The following TMEM117 variants were observed in gnomAD, a reference collection of about 807,000 sequenced individuals.
TMEM117 encodes transmembrane protein 117.
TMEM117 carries 27 observed loss-of-function variants against 52.4 expected under a neutral mutation model. The observed-to-expected ratio is 0.51, with a 90% CI of 0.38 to 0.71. The LOEUF (loss-of-function observed/expected upper bound fraction) is 0.71. TMEM117 is among the 30% of genes least tolerant of loss of function. The probability of loss-of-function intolerance (pLI) is 0.00; values close to 1 mark genes in which losing one functional copy is unlikely to be tolerated. For missense variants in TMEM117, 556 were observed against 630.5 expected, an observed-to-expected ratio of 0.88 and a Z score of 1.26; for synonymous variants, 215 against 206.3, an observed-to-expected ratio of 1.04 and a Z score of -0.36.
chr12:44,101,168 C>CTTATGAGATTAGGTTT (rs1947854242), intron 3 of TMEM117, among the ~76,000 whole-genome samples: 1 of 148,058 alleles, frequency 6.8e-6, no homozygotes, highest in Non-Finnish European at 1.5e-5. Flanking sequence ...CCTCCTAATA[C>CTTATGAGATTAGGTTT]CACCAAATTA....
intron 6 of TMEM117, among the ~76,000 whole-genome samples, chr12:44,370,097 G>C (rs1951842208): frequency 6.6e-6 from 1 of 152,092 alleles, no homozygotes; most frequent in Non-Finnish European, 1.5e-5. Context: ...ATCACATGTT[G>C]GTTTACATTC....
At chr12:44,276,427 G>C (rs943617867) in intron 5 of TMEM117, among the ~76,000 whole-genome samples, 23 of 152,108 alleles carry the variant, frequency 1.5e-4, no homozygotes, top group Admixed American at 1.4e-3. Context: ...TCACTTATAA[G>C]TGAAATCTAA....
At chr12:44,234,007 G>C (rs778093820) in intron 5 of TMEM117, among the ~76,000 whole-genome samples, 1 of 151,194 alleles carries the variant, frequency 6.6e-6, no homozygotes, top group Non-Finnish European at 1.5e-5. Flanking sequence ...AGATTCAATT[G>C]CCAATATTTC....
Position 44,090,843 on chromosome 12 carries a change from TTTTTTG to T in TMEM117, c.411-52676_411-52671del, listed in dbSNP as rs1358390703. On this transcript the variant is annotated intron_variant, in intron 3 of 7. Coordinates refer to ENST00000266534, the MANE Select transcript of TMEM117 (RefSeq NM_032256.3). ...TTCTTAATCCTGTATTTATGTGTTT[TTTTTTG>T]TTTTTTTTTTTTTTTTGCTGAGTGC... Among the ~76,000 whole-genome samples, 63 of 119,406 alleles carry T rather than the reference TTTTTTG, an allele frequency of 5.3e-4. No homozygotes were observed. In the South Asian group the frequency reaches 9.6e-3, roughly 18 times the overall value. 78.3% of individuals were successfully genotyped at this position (119,406 alleles called of 152,430 possible). A position where few individuals can be genotyped will look rare whatever the true frequency, so the allele number is the denominator to read the frequency against.
chr12:44,199,345 T>C, intron 4 of TMEM117, among the ~76,000 whole-genome samples: 1 of 152,212 alleles, frequency 6.6e-6, no homozygotes. Flanking sequence ...TTTCAAAGCA[T>C]ATGTTAAATT....
At chr12:44,395,493 G>A in the TMEM117 span, among the ~76,000 whole-genome samples, 7 of 152,230 alleles carry the variant, frequency 4.6e-5, no homozygotes, top group Non-Finnish European at 5.9e-5. Context: ...GTGTAAATCC[G>A]ATTGTAACAC....
At chr12:44,186,147 T>C (rs2138329873) in intron 4 of TMEM117, among the ~76,000 whole-genome samples, 1 of 152,310 alleles carries the variant, frequency 6.6e-6, no homozygotes, top group East Asian at 1.9e-4. Flanking sequence ...CCTCCACTTT[T>C]GTGAAAAGGG....
chr12:44,090,450 ATTTT>A (rs904351528), intron 3 of TMEM117, among the ~76,000 whole-genome samples: 4 of 117,166 alleles, frequency 3.4e-5, no homozygotes, highest in Admixed American at 9.4e-5. Context: ...TTATTTATTT[ATTTT>A]GAGACTGAGT....
At chr12:44,150,938 C>T (rs868725289) in intron 4 of TMEM117, among the ~76,000 whole-genome samples, 6 of 152,142 alleles carry the variant, frequency 3.9e-5, no homozygotes, top group Non-Finnish European at 8.8e-5. Flanking sequence ...CACTGTAAGT[C>T]TCCTAATGCC....
chr12:44,242,870 A>G (rs1224452637), intron 5 of TMEM117, among the ~76,000 whole-genome samples: 2 of 151,446 alleles, frequency 1.3e-5, no homozygotes, highest in African/African-American at 4.8e-5. Context: ...ACTAATTTAC[A>G]CTCCCACCAA....
chr12:44,344,549 CT>C (rs1428962365), intron 6 of TMEM117, among the ~76,000 whole-genome samples: 1 of 151,860 alleles, frequency 6.6e-6, no homozygotes, highest in African/African-American at 2.4e-5. Flanking sequence ...ATGCACAAGC[CT>C]AATTTGGGCA....
intron 4 of TMEM117, among the ~76,000 whole-genome samples, chr12:44,195,987 T>C (rs570317953): frequency 4.6e-5 from 7 of 151,986 alleles, no homozygotes; most frequent in Non-Finnish European, 8.8e-5. Context: ...TTGGAAGGCT[T>C]AGGCAGAAGG....
At chr12:43,985,899 A>G (rs1029795156) in intron 3 of TMEM117, among the ~76,000 whole-genome samples, 4 of 152,246 alleles carry the variant, frequency 2.6e-5, no homozygotes, top group African/African-American at 4.8e-5. Flanking sequence ...TGAAAGTTCT[A>G]TGTTTGTTGG....
At chr12:44,295,334 G>A (rs1014954157) in intron 5 of TMEM117, among the ~76,000 whole-genome samples, 1 of 152,116 alleles carries the variant, frequency 6.6e-6, no homozygotes, top group Non-Finnish European at 1.5e-5. Flanking sequence ...CTCCCGAGTA[G>A]CTGGGACTGC....
rs552665549 is a variant in TMEM117, at chr12:44,089,050, T to C, written c.411-54475T>C. Among the ~76,000 whole-genome samples, 3 of 152,312 alleles carry C rather than the reference T, an allele frequency of 2.0e-5. No homozygotes were observed. The East Asian group carries it at 5.8e-4, about 29-fold the overall frequency. ...AAGGGACCTGGTCAAATGTCATTCT[T>C]TTTCTCTGTTGCTGCTCAGGGCTTT... On this transcript the variant is annotated intron_variant, in intron 3 of 7. Coordinates refer to ENST00000266534, the MANE Select transcript of TMEM117 (RefSeq NM_032256.3).
intron 5 of TMEM117, among the ~76,000 whole-genome samples, chr12:44,234,550 G>T (rs543186874): frequency 6.7e-6 from 1 of 150,346 alleles, no homozygotes; most frequent in Non-Finnish European, 1.5e-5. Flanking sequence ...AACTAATCTT[G>T]GTCTTTGTTG....
chr12:44,151,402 A>C (rs1948722694), intron 4 of TMEM117, among the ~76,000 whole-genome samples: 1 of 149,582 alleles, frequency 6.7e-6, no homozygotes, highest in Non-Finnish European at 1.5e-5. Flanking sequence ...ATACATGTGC[A>C]CAACGTGCAG....
intron 3 of TMEM117, among the ~76,000 whole-genome samples, chr12:43,952,362 C>A (rs1945238320): frequency 6.6e-6 from 1 of 152,000 alleles, no homozygotes; most frequent in Admixed American, 6.6e-5. Flanking sequence ...GGATTATGTT[C>A]TAACCCAATT....
chr12:44,154,299 A>G (rs1366465703), intron 4 of TMEM117, among the ~76,000 whole-genome samples: 9 of 152,106 alleles, frequency 5.9e-5, no homozygotes, highest in African/African-American at 2.2e-4. Flanking sequence ...CTTAAATGCT[A>G]TAGACAAGGA....
Sources: gnomAD v4.1 joint callset for allele counts (sites outside exome capture counted in the v4.1 genomes callset) on GRCh38, gnomAD v4.1.1 for gene constraint, MANE v1.5 for transcripts, NCBI Gene and HGNC (gene_info 2026-07-23, HGNC 2026-07-21) for gene names.